ERICH6B: variants seen among roughly 807,000 people sequenced by gnomAD.
The protein encoded by ERICH6B is glutamate rich 6B.
In ERICH6B, 69 loss-of-function variants were observed where a neutral mutation model predicts 80.0. The ratio of observed to expected loss-of-function variants is 0.86; its 90% CI spans 0.71 to 1.05. The LOEUF is 1.05. Ranked by LOEUF, ERICH6B falls within the 50% of genes least tolerant of loss-of-function variation. The pLI is 0.00. For synonymous variants in ERICH6B, 283 were observed against 291.9 expected (o/e 0.97, Z 0.31); for missense variants, 754 against 796.1 (o/e 0.95, Z 0.64).
At chr13:45,577,986 C>T (rs1425832258) in intron 7 of ERICH6B, among the ~76,000 whole-genome samples, 2 of 152,352 alleles carry the variant, frequency 1.3e-5, no homozygotes, top group South Asian at 4.1e-4. Flanking sequence ...ATAATTCCCA[C>T]ATTACGTGAC....
In ERICH6B at chr13:45,541,427, C is replaced by T. The variant is rs563176904; in HGVS notation, c.*35G>A. Reference sequence around the variant, plus strand: ...TGGAGCTCCCAAGGTCTCCAACTTCCTAAGGCATTTGGTGGATGCCAGATA... The same window carrying T: ...TGGAGCTCCCAAGGTCTCCAACTTCTTAAGGCATTTGGTGGATGCCAGATA... On this transcript the variant is annotated 3_prime_UTR_variant, in exon 15 of 15. Transcript: ENST00000298738. The T allele has an allele frequency of 1.9e-4, 285 of 1,535,828 alleles. No individual in the cohort carries two copies. The African/African-American group carries it at 3.5e-3, about 19-fold the overall frequency.
At chr13:45,578,358 T>C (rs1410013121) in intron 7 of ERICH6B, among the ~76,000 whole-genome samples, 3 of 152,254 alleles carry the variant, frequency 2.0e-5, no homozygotes, top group Non-Finnish European at 4.4e-5. Context: ...GAGCCCAAGC[T>C]CTTTCTCCTC....
chr13:45,605,075 A>ACTCCCACTTTTCTCCCGAGGCCC (rs1425378991), intron 2 of ERICH6B, among the ~76,000 whole-genome samples: 1 of 151,680 alleles, frequency 6.6e-6, no homozygotes, highest in African/African-American at 2.4e-5. Context: ...CCCTGAGGCC[A>ACTCCCACTTTTCTCCCGAGGCCC]CTCCCACTTT....
chr13:45,612,463 C>G (rs1949905100), intron 1 of ERICH6B, among the ~76,000 whole-genome samples: 1 of 152,210 alleles, frequency 6.6e-6, no homozygotes, highest in African/African-American at 2.4e-5. Context: ...AAGAAATCAT[C>G]TGTAAGGGGA....
At chr13:45,583,749 C>T (rs1875772609) in intron 5 of ERICH6B, among the ~76,000 whole-genome samples, 1 of 152,198 alleles carries the variant, frequency 6.6e-6, no homozygotes, top group Non-Finnish European at 1.5e-5. Flanking sequence ...GTTCTCAGTT[C>T]TCTCTCTTGC....
In ERICH6B at chr13:45,561,496, G is replaced by A. The variant is rs749071; in HGVS notation, c.1280C>T (p.Thr427Ile). The stretch of plus-strand genomic sequence containing the variant: ...TGTTGGTTTGCTCATTAAATGAAAT[G>A]TGAAACTGGTCATCTCTGTTAACTT... ...AQKLTEMTSF[T>I]FHLMSKPTPE... Residue 427 changes from threonine (T) to isoleucine (I), a missense_variant, in exon 11 of 15, where the codon ACA becomes ATA. Coordinates refer to ENST00000298738, the MANE Select transcript of ERICH6B (RefSeq NM_182542.3). 2.1e-3 allele frequency: 3,286 copies of A among 1,551,818 alleles called. 73 individuals are homozygous for A. The African/African-American group carries it at 0.041, about 19-fold the overall frequency.
intron 5 of ERICH6B, among the ~76,000 whole-genome samples, chr13:45,582,050 T>C (rs1235528621): frequency 6.6e-6 from 1 of 152,232 alleles, no homozygotes; most frequent in Non-Finnish European, 1.5e-5. Flanking sequence ...TGTGGCAGAT[T>C]GTCAAATATT....
At chr13:45,605,751 C>A (rs545887511) in intron 2 of ERICH6B, among the ~76,000 whole-genome samples, 1 of 152,182 alleles carries the variant, frequency 6.6e-6, no homozygotes, top group Non-Finnish European at 1.5e-5. Flanking sequence ...AATAATTCTC[C>A]GTGATAAAGA....
At chr13:45,608,145 C>T (rs1386596798) in intron 1 of ERICH6B, among the ~76,000 whole-genome samples, 1 of 152,106 alleles carries the variant, frequency 6.6e-6, no homozygotes, top group South Asian at 2.1e-4. Flanking sequence ...TTGTGCAATG[C>T]CCAATGGGTA....
chr13:45,581,053 CA>C (rs1446158323), intron 5 of ERICH6B, among the ~76,000 whole-genome samples: 1 of 152,164 alleles, frequency 6.6e-6, no homozygotes, highest in African/African-American at 2.4e-5. Flanking sequence ...GCCATGTAGA[CA>C]CACAATGCGG....
rs138595192 is a variant in ERICH6B, at chr13:45,555,928, G to A, written c.1407+5441C>T. On this transcript the variant is annotated intron_variant, in intron 11 of 14. Coordinates refer to ENST00000298738, the MANE Select transcript of ERICH6B (RefSeq NM_182542.3). ...CTTTCCCACTTGCCTATGGGTGTCCGTGAGGCAAAGGCCTCAGGGCCTTTG... is the reference window on the plus strand; with the variant it reads ...CTTTCCCACTTGCCTATGGGTGTCCATGAGGCAAAGGCCTCAGGGCCTTTG... 2.9e-4 allele frequency among the ~76,000 whole-genome samples: 43 copies of A among 149,388 alleles called. No homozygotes were observed. In the East Asian group the frequency reaches 7.7e-3, roughly 27 times the overall value.
intron 11 of ERICH6B, among the ~76,000 whole-genome samples, chr13:45,558,512 G>A (rs1373706202): frequency 2.6e-5 from 4 of 152,170 alleles, no homozygotes; most frequent in African/African-American, 9.7e-5. Flanking sequence ...TCTTGTTCCA[G>A]TTCTCAGAGG....
At chr13:45,551,104 A>C (rs979920045) in intron 11 of ERICH6B, among the ~76,000 whole-genome samples, 3 of 152,208 alleles carry the variant, frequency 2.0e-5, no homozygotes, top group Non-Finnish European at 4.4e-5. Flanking sequence ...TGTCATAAAA[A>C]TTTTAAGTTT....
At chr13:45,580,017 T>A in intron 6 of ERICH6B, 43 bp from the exon 7 acceptor site, 1 of 1,441,538 alleles carries the variant, frequency 6.9e-7, no homozygotes, top group East Asian at 2.5e-5. Context: ...TACGGTATAG[T>A]GAACTAGTCC....
intron 12 of ERICH6B, 58 bp from the exon 13 acceptor site, chr13:45,550,103 G>T: frequency 6.5e-7 from 1 of 1,544,436 alleles, no homozygotes. Flanking sequence ...AAAAGGTAGG[G>T]CCCTGCAGAT....
chr13:45,596,483 A>G lies in ERICH6B; in HGVS notation c.523T>C (p.Tyr175His), dbSNP rs1294268305. ...EEEEYLGKKS[Y>H]LEEEKALEKE... ...TCCAGAGCCTTTTCCTCTTCTAGAT[A>G]TGATTTCTTCCCCAGATACTCCTCC... Residue 175 changes from tyrosine (Y) to histidine (H), a missense_variant, in exon 3 of 15, where the codon TAT becomes CAT. By Grantham distance (83) the Tyr-to-His change is moderately conservative. Coordinates refer to ENST00000298738, the MANE Select transcript of ERICH6B (RefSeq NM_182542.3). 26 of 1,551,362 alleles carry G rather than the reference A, an allele frequency of 1.7e-5. No homozygotes were observed. The highest frequency in any genetic ancestry group is 2.0e-5 in the Non-Finnish European group (23 of 1,146,600).
chr13:45,556,460 T>C (rs1030149093), intron 11 of ERICH6B, among the ~76,000 whole-genome samples: 5 of 152,184 alleles, frequency 3.3e-5, no homozygotes, highest in African/African-American at 9.6e-5. Context: ...ACAAGTAAGC[T>C]CTTCAGTGGT....
intron 4 of ERICH6B, among the ~76,000 whole-genome samples, chr13:45,588,846 A>C (rs1566300566): frequency 1.3e-5 from 2 of 152,096 alleles, no homozygotes; most frequent in African/African-American, 4.8e-5. Context: ...GCCCTGTGTT[A>C]TGTTGCAATG....
chr13:45,587,153 CAG>C lies in ERICH6B; in HGVS notation c.764_765del (p.Ser255Ter). Reference sequence around the variant, plus strand: ...AACTCAGAAGACTCTGTGGCAGATTCAGAGACAGGAGAAGGGGTAGCGAAAGT... The same window carrying C: ...AACTCAGAAGACTCTGTGGCAGATTCAGACAGGAGAAGGGGTAGCGAAAGT... Reference protein sequence around the residue: ...PLTFATPSPVSESATESSELL... With the variant: ...PLTFATPSPVXESATESSELL... On this transcript the variant is annotated frameshift_variant, in exon 5 of 15. Coordinates refer to ENST00000298738, the MANE Select transcript of ERICH6B (RefSeq NM_182542.3). LOFTEE classifies it high-confidence loss of function. The C allele has an allele frequency of 1.9e-6, 3 of 1,551,658 alleles. No homozygotes were observed. Among genetic ancestry groups the C allele is most frequent in the Non-Finnish European group, 2.6e-6 (3 of 1,146,990 alleles).
Sources: gnomAD v4.1 joint callset for allele counts (sites outside exome capture counted in the v4.1 genomes callset) on GRCh38, gnomAD v4.1.1 for gene constraint, MANE v1.5 for transcripts, NCBI Gene and HGNC (gene_info 2026-07-23, HGNC 2026-07-21) for gene names.